The following DCAF8L2 variants were observed in gnomAD, a reference collection of about 807,000 sequenced individuals.
The protein encoded by DCAF8L2 is DDB1- and CUL4-associated factor 8-like protein 2.
For missense variants in DCAF8L2, 430 were observed against 490.7 expected (o/e 0.88, Z 1.17); for synonymous variants, 200 against 190.9 (o/e 1.05, Z -0.39).
chrX:27,570,520 A>T, the DCAF8L2 span, among the ~76,000 whole-genome samples: 7 of 111,618 alleles, frequency 6.3e-5, no homozygotes, highest in Non-Finnish European at 1.3e-4. Context: ...CCTCCCATGC[A>T]GTTTCTGTCT....
At chrX:27,604,912 T>C (rs772364557) in intron 1 of DCAF8L2, among the ~76,000 whole-genome samples, 1 of 112,179 alleles carries the variant, frequency 8.9e-6, no homozygotes, top group South Asian at 3.7e-4. Flanking sequence ...GGTAAAGATA[T>C]ATTTTTCTTA....
intron 4 of DCAF8L2, among the ~76,000 whole-genome samples, chrX:27,738,797 G>A (rs1921683352): frequency 8.9e-6 from 1 of 111,803 alleles, no homozygotes; most frequent in African/African-American, 3.2e-5. Flanking sequence ...CTGTCTCAAA[G>A]CTCCAGCATA....
the DCAF8L2 span, among the ~76,000 whole-genome samples, chrX:27,477,334 C>T: frequency 8.9e-6 from 1 of 112,018 alleles, no homozygotes; most frequent in Non-Finnish European, 1.9e-5. Flanking sequence ...GTTGCCCAGG[C>T]TGGAGTGCAG....
chrX:27,588,014 A>G (rs967102011), upstream of DCAF8L2, among the ~76,000 whole-genome samples: 3 of 99,601 alleles, frequency 3.0e-5, no homozygotes, highest in African/African-American at 1.1e-4. Context: ...ATATATATAT[A>G]TAATTTCAAA....
At chrX:27,563,862 C>T in the DCAF8L2 span, among the ~76,000 whole-genome samples, 129 of 111,487 alleles carry the variant, frequency 1.2e-3, no homozygotes, top group Admixed American at 1.3e-3. Context: ...TTGATTTTTT[C>T]GCAATAAGTA....
At chrX:27,733,416 A>G (rs1181164529) in intron 4 of DCAF8L2, among the ~76,000 whole-genome samples, 2 of 112,017 alleles carry the variant, frequency 1.8e-5, no homozygotes, top group African/African-American at 3.2e-5. Flanking sequence ...TGAGTTCCTT[A>G]TATATTTTGG....
In DCAF8L2 at chrX:27,748,012, A is replaced by T. The variant is rs756400313; in HGVS notation, c.1117A>T (p.Thr373Ser). 7.4e-6 allele frequency: 9 copies of T among 1,211,945 alleles called. No individual in the cohort carries two copies. The highest frequency in any genetic ancestry group is 5.9e-5 in the East Asian group (2 of 33,830). Reference sequence around the variant, plus strand: ...TAAGAAAGTGGGACTGTATACAATTACTGTGAATCCCGCCAATACCTACCA... The same window carrying T: ...TAAGAAAGTGGGACTGTATACAATTTCTGTGAATCCCGCCAATACCTACCA... ...NDKKVGLYTI[T>S]VNPANTYQFA... Residue 373 changes from threonine to serine, a missense_variant, in exon 5 of 5, where the codon ACT becomes TCT. Coordinates refer to ENST00000451261, the MANE Select transcript of DCAF8L2 (RefSeq NM_001353450.2).
At chrX:27,541,343 T>TTTTATTTATTTA in the DCAF8L2 span, among the ~76,000 whole-genome samples, 167 of 94,084 alleles carry the variant, frequency 1.8e-3, 1 homozygote, top group Middle Eastern at 5.3e-3. Context: ...TTATTTTTTA[T>TTTTATTTATTTA]TTTATTTATT....
At chrX:27,534,052 C>A in the DCAF8L2 span, among the ~76,000 whole-genome samples, 3 of 109,892 alleles carry the variant, frequency 2.7e-5, no homozygotes, top group Middle Eastern at 4.7e-3. Flanking sequence ...TTACAAAAAA[C>A]CCACAAAAAT....
Position 27,748,499 on chromosome X carries a change from A to G in DCAF8L2, c.1604A>G (p.His535Arg). 5.0e-6 allele frequency: 6 copies of G among 1,210,091 alleles called. No individual in the cohort carries two copies. Among genetic ancestry groups the G allele is most frequent in the Non-Finnish European group, 6.7e-6 (6 of 893,991 alleles). Residue 535 changes from histidine (H) to arginine (R), a missense_variant, in exon 5 of 5, where the codon CAT becomes CGT. His to Arg is a conservative substitution (Grantham distance 29, BLOSUM62 0). Transcript: ENST00000451261. ...GTGTTGGCGTGCAGTGGCCTAGATCATGATGTCAAGATCTGGACACCCACA... is the reference window on the plus strand; with the variant it reads ...GTGTTGGCGTGCAGTGGCCTAGATCGTGATGTCAAGATCTGGACACCCACA... ...LPVLACSGLD[H>R]DVKIWTPTAK...
At chrX:27,661,682 A>G (rs766082253) in intron 2 of DCAF8L2, among the ~76,000 whole-genome samples, 2 of 112,049 alleles carry the variant, frequency 1.8e-5, no homozygotes, top group Non-Finnish European at 3.8e-5. Flanking sequence ...AAAAATATTT[A>G]TAAGTGCTTA....
chrX:27,714,738 T>C (rs1931638978), intron 3 of DCAF8L2, among the ~76,000 whole-genome samples: 1 of 111,399 alleles, frequency 9.0e-6, no homozygotes, highest in African/African-American at 3.3e-5. Context: ...TGACAGGTCT[T>C]TCTAGCCTCC....
chrX:27,553,703 A>T, the DCAF8L2 span, among the ~76,000 whole-genome samples: 6 of 111,787 alleles, frequency 5.4e-5, no homozygotes, highest in Non-Finnish European at 1.1e-4. Context: ...ATCCATTTAC[A>T]TTCAAGGTTA....
At chrX:27,699,414 A>G (rs1016503707) in intron 3 of DCAF8L2, among the ~76,000 whole-genome samples, 1 of 112,055 alleles carries the variant, frequency 8.9e-6, no homozygotes, top group Non-Finnish European at 1.9e-5. Context: ...GGAGAGAGGA[A>G]AGGCCTTATA....
chrX:27,514,387 C>T, the DCAF8L2 span, among the ~76,000 whole-genome samples: 1 of 110,004 alleles, frequency 9.1e-6, no homozygotes, highest in African/African-American at 3.3e-5. Flanking sequence ...AGAGTGAAAT[C>T]GGCCGCGCGC....
intron 4 of DCAF8L2, among the ~76,000 whole-genome samples, chrX:27,723,917 A>T (rs1312450209): frequency 9.1e-6 from 1 of 109,693 alleles, no homozygotes; most frequent in East Asian, 2.8e-4. Context: ...ACCAAGATAG[A>T]GTGATCTCCA....
At chrX:27,552,477 G>T in the DCAF8L2 span, among the ~76,000 whole-genome samples, 3 of 111,509 alleles carry the variant, frequency 2.7e-5, no homozygotes, top group African/African-American at 9.8e-5. Context: ...TTTCATATGT[G>T]TGAGAAATAA....
At chrX:27,489,896 G>T in the DCAF8L2 span, among the ~76,000 whole-genome samples, 1 of 110,746 alleles carries the variant, frequency 9.0e-6, no homozygotes, top group Non-Finnish European at 1.9e-5. Context: ...TTATTTTTTT[G>T]AAACAGGGTC....
the DCAF8L2 span, among the ~76,000 whole-genome samples, chrX:27,545,901 A>G: frequency 1.2e-4 from 13 of 111,512 alleles, no homozygotes; most frequent in East Asian, 3.4e-3. Flanking sequence ...ACCAAACCAT[A>G]TCATTCTGCC....
Sources: allele counts gnomAD v4.1 joint callset (sites outside exome capture counted in the v4.1 genomes callset), GRCh38; gene constraint gnomAD v4.1.1; transcripts MANE v1.5; gene names NCBI Gene and HGNC (gene_info 2026-07-23, HGNC 2026-07-21).